Variants in PCGF5 observed in about 807,000 individuals in gnomAD.
The protein encoded by PCGF5 is polycomb group RING finger protein 5.
In PCGF5, 9 loss-of-function variants were observed where a neutral mutation model predicts 44.3. The ratio of observed to expected loss-of-function variants is 0.20; its 90% CI spans 0.12 to 0.35. The LOEUF is 0.35. PCGF5 is among the 10% of genes least tolerant of loss of function. PCGF5 has a pLI of 1.00. For missense variants in PCGF5, 146 were observed against 305.3 expected (o/e 0.48, Z 3.89); for synonymous variants, 95 against 102.5 (o/e 0.93, Z 0.44).
At chr10:91,237,912 G>A (rs1446220391) in intron 2 of PCGF5, among the ~76,000 whole-genome samples, 1 of 152,056 alleles carries the variant, frequency 6.6e-6, no homozygotes, top group Non-Finnish European at 1.5e-5. Flanking sequence ...CTTGATAGGA[G>A]GGATTCTGTC....
At chr10:91,273,422 A>G (rs1846230764) in intron 9 of PCGF5, among the ~76,000 whole-genome samples, 1 of 152,210 alleles carries the variant, frequency 6.6e-6, no homozygotes, top group South Asian at 2.1e-4. Context: ...ACCATGATCC[A>G]AAGTATTAGA....
At chr10:91,202,196 G>A (rs1844266207) in intron 1 of PCGF5, among the ~76,000 whole-genome samples, 2 of 152,208 alleles carry the variant, frequency 1.3e-5, no homozygotes, top group Non-Finnish European at 2.9e-5. Flanking sequence ...TGCTGTATAA[G>A]TGCTATGATG....
At chr10:91,216,409 G>T (rs953554118), upstream of PCGF5, among the ~76,000 whole-genome samples, 5 of 152,144 alleles carry the variant, frequency 3.3e-5, no homozygotes, top group African/African-American at 1.2e-4. Context: ...GTACATTATG[G>T]CTGGAGCACA....
intron 2 of PCGF5, among the ~76,000 whole-genome samples, chr10:91,229,044 A>G (rs1844929641): frequency 6.6e-6 from 1 of 152,252 alleles, no homozygotes. Flanking sequence ...ATAAATGCTA[A>G]TAAAGGAATG....
At chr10:91,243,911 T>C (rs982790600) in intron 3 of PCGF5, among the ~76,000 whole-genome samples, 1 of 152,202 alleles carries the variant, frequency 6.6e-6, no homozygotes, top group Admixed American at 6.5e-5. Flanking sequence ...TCATCACTTA[T>C]ATAGACAATA....
rs569865747 is a variant in PCGF5 at position 91,203,355 on chromosome 10, C to T, written c.-183-19334C>T. Among the ~76,000 whole-genome samples the T allele has an allele frequency of 2.5e-5, 3 of 122,292 alleles. No homozygotes were observed. In the East Asian group the frequency reaches 5.8e-4, roughly 24 times the overall value. 80.2% of individuals were successfully genotyped at this position (122,292 alleles called of 152,430 possible). A position where few individuals can be genotyped will look rare whatever the true frequency, so the allele number is the denominator to read the frequency against. ...TCTAGGAAAGTGTTCCTTTGTTTAA[C>T]TTACTTTTTATTAGGATCCAGATTC... On this transcript the variant is annotated intron_variant, in intron 1 of 9. Transcript: ENST00000614189.
chr10:91,256,701 A>G (rs1281014129), intron 6 of PCGF5, among the ~76,000 whole-genome samples: 1 of 152,084 alleles, frequency 6.6e-6, no homozygotes, highest in Admixed American at 6.6e-5. Context: ...TATAAAAGTG[A>G]CTCATGCACA....
upstream of PCGF5, among the ~76,000 whole-genome samples, chr10:91,217,276 C>T (rs1432196691): frequency 6.6e-6 from 1 of 152,216 alleles, no homozygotes; most frequent in African/African-American, 2.4e-5. Context: ...CTTGTGACCA[C>T]CCGCCTCGGC....
At chr10:91,176,034 T>G (rs1435521743) in intron 1 of PCGF5, among the ~76,000 whole-genome samples, 7 of 152,352 alleles carry the variant, frequency 4.6e-5, no homozygotes, top group African/African-American at 1.7e-4. Context: ...GGCATGTTTT[T>G]GCAGTGGCTG....
chr10:91,168,266 G>T (rs947642888), intron 1 of PCGF5, among the ~76,000 whole-genome samples: 1 of 152,140 alleles, frequency 6.6e-6, no homozygotes, highest in African/African-American at 2.4e-5. Context: ...GGACTTGAGG[G>T]AGATAGGAGG....
chr10:91,262,910 T>A (rs1481723462), intron 7 of PCGF5, among the ~76,000 whole-genome samples: 3 of 152,206 alleles, frequency 2.0e-5, no homozygotes, highest in Non-Finnish European at 4.4e-5. Flanking sequence ...TCCTTTTAAG[T>A]CTGATTCATT....
chr10:91,243,983 T>G (rs540304718), intron 3 of PCGF5, among the ~76,000 whole-genome samples: 1 of 152,370 alleles, frequency 6.6e-6, no homozygotes, highest in African/African-American at 2.4e-5. Context: ...ACTGGATGCC[T>G]GCTGTGTCTG....
chr10:91,194,102 A>G (rs1844083805), intron 1 of PCGF5, among the ~76,000 whole-genome samples: 1 of 152,186 alleles, frequency 6.6e-6, no homozygotes, highest in Admixed American at 6.5e-5. Context: ...TGAGTGTGAC[A>G]TGTCTGTTAA....
At chr10:91,238,091 T>G (rs570321738) in intron 2 of PCGF5, among the ~76,000 whole-genome samples, 6 of 152,236 alleles carry the variant, frequency 3.9e-5, no homozygotes, top group Admixed American at 3.9e-4. Context: ...AATATAAAAT[T>G]ATTGAGATTA....
At chr10:91,161,064 T>A (rs991572263), upstream of PCGF5, among the ~76,000 whole-genome samples, 1 of 152,216 alleles carries the variant, frequency 6.6e-6, no homozygotes, top group Non-Finnish European at 1.5e-5. Context: ...AGGGGGACTC[T>A]CATCCCCTAC....
intron 1 of PCGF5, among the ~76,000 whole-genome samples, chr10:91,185,840 G>A (rs10437470): frequency 0.19 from 28,526 of 151,852 alleles, 3,194 homozygotes; most frequent in East Asian, 0.49. Flanking sequence ...ACTCCGTGTG[G>A]CTCCCTGGTG....
At chr10:91,220,550 C>T (rs1174030027), upstream of PCGF5, 1 of 151,022 alleles carries the variant, frequency 6.6e-6, no homozygotes, top group African/African-American at 2.4e-5. Flanking sequence ...TGGGCGTGGC[C>T]GGGCGGCGGG....
In PCGF5 at chr10:91,226,181, T is replaced by G. The variant is rs1844831236; in HGVS notation, c.112+3198T>G. Among the ~76,000 whole-genome samples the G allele has an allele frequency of 2.0e-5, 3 of 151,200 alleles. No individual in the cohort carries two copies. In the South Asian group the frequency reaches 6.3e-4, roughly 32 times the overall value. ...AAGATTTTCGTCTTACTATTCAAGT[T>G]TGAAATGCATAAATGAAGCTTTATA... On this transcript the variant is annotated intron_variant, in intron 2 of 9. Transcript: ENST00000336126.
chr10:91,218,107 C>A (rs928092722), upstream of PCGF5, among the ~76,000 whole-genome samples: 1 of 152,192 alleles, frequency 6.6e-6, no homozygotes, highest in African/African-American at 2.4e-5. Context: ...TCTTACCAGA[C>A]CTCCCTTAAG....
Sources: allele counts gnomAD v4.1 joint callset (sites outside exome capture counted in the v4.1 genomes callset), GRCh38; gene constraint gnomAD v4.1.1; transcripts MANE v1.5; gene names NCBI Gene and HGNC (gene_info 2026-07-23, HGNC 2026-07-21).